The following GTPBP10 variants were observed in gnomAD, a reference collection of about 807,000 sequenced individuals.
The protein encoded by GTPBP10 is GTP binding protein 10.
In GTPBP10, 38 loss-of-function variants were observed where a neutral mutation model predicts 44.8. That is an observed-to-expected ratio of 0.85 (90% CI 0.65 to 1.11). GTPBP10 has a LOEUF of 1.11. GTPBP10 is among the 50% of genes most tolerant of loss of function. The pLI is 0.00. For synonymous variants in GTPBP10, 152 were observed against 150.6 expected (o/e 1.01, Z -0.07); for missense variants, 462 against 453.7 (o/e 1.02, Z -0.17).
chr7:90,352,916 T>C lies in GTPBP10; in HGVS notation c.134T>C (p.Val45Ala). Reference protein sequence around the residue: ...LGGEGGKGGDVWVVAQNRMTL... With the variant: ...LGGEGGKGGDAWVVAQNRMTL... ...GGAGAAGGTGGAAAAGGTGGTGATGTCTGGGTTGTAGCCCAGAACAGAATG... is the reference window on the plus strand; with the variant it reads ...GGAGAAGGTGGAAAAGGTGGTGATGCCTGGGTTGTAGCCCAGAACAGAATG... Residue 45 changes from valine (V) to alanine (A), a missense_variant, in exon 2 of 10, where the codon GTC becomes GCC. Val to Ala is a moderately conservative substitution (Grantham distance 64). Coordinates refer to ENST00000222511, the MANE Select transcript of GTPBP10 (RefSeq NM_033107.4). 11 of 1,614,026 alleles carry C rather than the reference T, an allele frequency of 6.8e-6. No homozygotes were observed. The highest frequency in any genetic ancestry group is 9.3e-6 in the Non-Finnish European group (11 of 1,179,950).
At chr7:90,353,746 A>G (rs1367705736) in intron 2 of GTPBP10, among the ~76,000 whole-genome samples, 4 of 152,018 alleles carry the variant, frequency 2.6e-5, no homozygotes, top group Admixed American at 6.6e-5. Flanking sequence ...TTTGCCTTCT[A>G]TAATGTAAGT....
chr7:90,366,351 G>GTTTCAGAAGGAATT (rs1562957377), intron 4 of GTPBP10, among the ~76,000 whole-genome samples: 4 of 152,006 alleles, frequency 2.6e-5, no homozygotes, highest in Non-Finnish European at 5.9e-5. Flanking sequence ...CAGAAGGAAT[G>GTTTCAGAAGGAATT]GTACCAGCTC....
intron 8 of GTPBP10, 88 bp downstream of exon 8, chr7:90,378,299 A>G (rs758844898): frequency 7.8e-6 from 11 of 1,410,790 alleles, no homozygotes; most frequent in Non-Finnish European, 1.0e-5. Flanking sequence ...CAGTCTATAC[A>G]TACTCCACCT....
intron 4 of GTPBP10, among the ~76,000 whole-genome samples, chr7:90,363,126 C>A (rs571689181): frequency 6.6e-6 from 1 of 152,242 alleles, no homozygotes; most frequent in African/African-American, 2.4e-5. Context: ...AGCATTTAGC[C>A]CATTTACATT....
intron 1 of GTPBP10, among the ~76,000 whole-genome samples, chr7:90,352,051 T>A (rs576483681): frequency 6.6e-6 from 1 of 152,120 alleles, no homozygotes; most frequent in Non-Finnish European, 1.5e-5. Flanking sequence ...TGATTAGAGA[T>A]CAGATCAATT....
rs778482809 is a variant in GTPBP10, at chr7:90,378,213, TAG to T, written c.777+3_777+4del. On this transcript the variant is annotated splice_donor_region_variant and intron_variant, in intron 8 of 9. Coordinates refer to ENST00000222511, the MANE Select transcript of GTPBP10 (RefSeq NM_033107.4). ...GAAACCATAATACTGCTTACAAAAG[TAG>T]GTTTTCTGTTTTACTGTGTTCTGTA... 63 of 1,610,566 alleles carry T rather than the reference TAG, an allele frequency of 3.9e-5. No individual in the cohort carries two copies. Among genetic ancestry groups the T allele is most frequent in the Non-Finnish European group, 5.0e-5 (59 of 1,177,672 alleles).
intron 4 of GTPBP10, among the ~76,000 whole-genome samples, chr7:90,365,406 C>T (rs1269372876): frequency 1.8e-4 from 21 of 118,026 alleles, no homozygotes; most frequent in East Asian, 5.3e-4. Flanking sequence ...GACGGAGTCT[C>T]GCTCTGTCAC....
intron 4 of GTPBP10, among the ~76,000 whole-genome samples, chr7:90,368,067 T>C (rs1796172460): frequency 6.6e-6 from 1 of 152,228 alleles, no homozygotes. Flanking sequence ...TATGAAATTC[T>C]GGATTGAAAA....
Position 90,378,192 on chromosome 7 carries a change from C to G in GTPBP10, c.758C>G (p.Thr253Ser), listed in dbSNP as rs780367740. The change falls in exon 8 of 10, where the codon ACC becomes AGC. Residue 253 changes from threonine to serine, a missense_variant. By Grantham distance (58) the Thr-to-Ser change is moderately conservative. Coordinates refer to ENST00000222511, the MANE Select transcript of GTPBP10 (RefSeq NM_033107.4). Reference sequence around the variant, plus strand: ...ACTCAATACAGGACAGCTTTTGAAACCATAATACTGCTTACAAAAGTAGGT... The same window carrying G: ...ACTCAATACAGGACAGCTTTTGAAAGCATAATACTGCTTACAAAAGTAGGT... ...SHTQYRTAFE[T>S]IILLTKELEL... The G allele has an allele frequency of 1.2e-6, 2 of 1,612,520 alleles. No homozygotes were observed. The highest frequency in any genetic ancestry group is 3.3e-5 in the Admixed American group (2 of 59,950).
At chr7:90,353,128 A>G in intron 2 of GTPBP10, 119 bp downstream of exon 2, 1 of 633,368 alleles carries the variant, frequency 1.6e-6, no homozygotes, top group Non-Finnish European at 2.6e-6. Context: ...CTGTATTTAT[A>G]ACCAAGCAAA....
intron 8 of GTPBP10, among the ~76,000 whole-genome samples, chr7:90,379,484 C>A (rs1381038901): frequency 1.3e-5 from 2 of 152,212 alleles, no homozygotes; most frequent in African/African-American, 2.4e-5. Flanking sequence ...TAGCAGTCCT[C>A]CTCTGTAACC....
At chr7:90,355,756 C>A (rs17869561) in intron 4 of GTPBP10, among the ~76,000 whole-genome samples, 2,349 of 152,238 alleles carry the variant, frequency 0.015, 57 homozygotes, top group African/African-American at 0.052. Flanking sequence ...ATCCTTCTTG[C>A]CTCTGCTTAG....
chr7:90,355,131 G>A lies in GTPBP10; in HGVS notation c.365G>A (p.Gly122Asp). The A allele has an allele frequency of 1.9e-6, 3 of 1,601,496 alleles. No homozygotes were observed. Among genetic ancestry groups the A allele is most frequent in the Non-Finnish European group, 2.6e-6 (3 of 1,170,724 alleles). Residue 122 changes from glycine to aspartate, a missense_variant, in exon 4 of 10, where the codon GGT becomes GAT. Gly to Asp is a moderately conservative substitution (Grantham distance 94, BLOSUM62 -1). Transcript: ENST00000222511. The part of the protein sequence containing the change: ...ENDRILVAQG[G>D]LGGKLLTNFL... Reference sequence around the variant, plus strand: ...GACAGAATTTTGGTAGCTCAAGGAGGTCTTGGTGGTAAATTACTTACAAAT... The same window carrying A: ...GACAGAATTTTGGTAGCTCAAGGAGATCTTGGTGGTAAATTACTTACAAAT...
chr7:90,352,565 GAAACCCTC>G (rs1043467600), intron 1 of GTPBP10, among the ~76,000 whole-genome samples: 10 of 152,208 alleles, frequency 6.6e-5, no homozygotes, highest in African/African-American at 2.4e-4. Flanking sequence ...GGCCAAGTCA[GAAACCCTC>G]AGGATAGGTG....
In GTPBP10 at chr7:90,390,390, G is replaced by T. The variant is rs2115815579; in HGVS notation, c.*5236G>T. 1 of 152,234 alleles carries T rather than the reference G, an allele frequency of 6.6e-6. No homozygotes were observed. The allele number at this position is 152,234 out of a possible 1,614,324, so 9.4% of individuals were successfully genotyped here. On this transcript the variant is annotated 3_prime_UTR_variant, in exon 10 of 10. Coordinates refer to ENST00000222511, the MANE Select transcript of GTPBP10 (RefSeq NM_033107.4). The stretch of plus-strand genomic sequence containing the variant: ...TGACCATCATCAACCACAAATTTTA[G>T]GCAATTTGTTAGAATTTTTTTTAAA...
At chr7:90,354,354 G>A (rs1326797253) in intron 2 of GTPBP10, 104 bp from the exon 3 acceptor site, 1 of 491,638 alleles carries the variant, frequency 2.0e-6, no homozygotes, top group African/African-American at 2.0e-5. Flanking sequence ...GCGTTAACCA[G>A]AGAATTGATT....
intron 4 of GTPBP10, among the ~76,000 whole-genome samples, chr7:90,363,439 C>T (rs979942667): frequency 7.2e-5 from 11 of 152,156 alleles, no homozygotes; most frequent in African/African-American, 2.4e-4. Context: ...AAATTCTTTT[C>T]TTTAAGAATG....
At position 90,385,369 on chromosome 7, in the gene GTPBP10, G is replaced by A; in HGVS notation, c.*215G>A. ...GGCTGGTGGGGCAGTGGAGGATTGA[G>A]GAGATATTGGTCAAAATTTACAAAA... On this transcript the variant is annotated 3_prime_UTR_variant, in exon 10 of 10. Transcript: ENST00000222511. 2.7e-6 allele frequency: 1 copy of A among 371,460 alleles called. No individual in the cohort carries two copies. Among genetic ancestry groups the A allele is most frequent in the Non-Finnish European group, 4.8e-6 (1 of 209,762 alleles). The allele number at this position is 371,460 out of a possible 1,614,324, so 23.0% of individuals were successfully genotyped here.
chr7:90,369,698 G>T (rs1354150487), intron 4 of GTPBP10, among the ~76,000 whole-genome samples: 1 of 152,148 alleles, frequency 6.6e-6, no homozygotes, highest in South Asian at 2.1e-4. Flanking sequence ...AGGCAGGAGT[G>T]TACCACTCCT....
Sources: gnomAD v4.1 joint callset for allele counts (sites outside exome capture counted in the v4.1 genomes callset) on GRCh38, gnomAD v4.1.1 for gene constraint, MANE v1.5 for transcripts, NCBI Gene and HGNC (gene_info 2026-07-23, HGNC 2026-07-21) for gene names.